Variants in OR9Q1 observed in about 807,000 individuals in gnomAD.
OR9Q1 encodes the protein olfactory receptor family 9 subfamily Q member 1.
For synonymous variants in OR9Q1, 153 were observed against 148.6 expected (o/e 1.03, Z -0.22); for missense variants, 374 against 378.8 (o/e 0.99, Z 0.11).
intron 2 of OR9Q1, among the ~76,000 whole-genome samples, chr11:58,152,225 T>C (rs1277798225): frequency 6.6e-6 from 1 of 152,190 alleles, no homozygotes; most frequent in Non-Finnish European, 1.5e-5. Context: ...GGATAAAGAA[T>C]AGAAACTAAT....
chr11:58,130,939 TTAA>T (rs1236666318), intron 2 of OR9Q1, among the ~76,000 whole-genome samples: 1 of 152,216 alleles, frequency 6.6e-6, no homozygotes, highest in Non-Finnish European at 1.5e-5. Context: ...GATGTAATTA[TTAA>T]TATCTATAAA....
At chr11:58,059,884 C>T (rs1308877171) in intron 2 of OR9Q1, 1 of 152,050 alleles carries the variant, frequency 6.6e-6, no homozygotes, top group Non-Finnish European at 1.5e-5. Context: ...TGATAGGTTA[C>T]ATTACCCTAC....
intron 2 of OR9Q1, among the ~76,000 whole-genome samples, chr11:58,101,271 C>T (rs1590590151): frequency 6.6e-6 from 1 of 151,980 alleles, no homozygotes; most frequent in South Asian, 2.1e-4. Context: ...GTAAGCATTC[C>T]TTTTTTGCCA....
At chr11:58,159,147 A>T (rs1369697530) in intron 2 of OR9Q1, among the ~76,000 whole-genome samples, 1 of 152,206 alleles carries the variant, frequency 6.6e-6, no homozygotes, top group African/African-American at 2.4e-5. Context: ...CAGAAAAAAA[A>T]ATGTGTTGTC....
At chr11:58,035,696 G>C (rs1188937869) in intron 1 of OR9Q1, among the ~76,000 whole-genome samples, 1 of 152,154 alleles carries the variant, frequency 6.6e-6, no homozygotes, top group Non-Finnish European at 1.5e-5. Context: ...CAGTCTCCCT[G>C]AATAGGGTCT....
chr11:58,149,941 T>C (rs1376095558), intron 2 of OR9Q1, among the ~76,000 whole-genome samples: 2 of 152,212 alleles, frequency 1.3e-5, no homozygotes, highest in African/African-American at 4.8e-5. Flanking sequence ...CAAAGATGTG[T>C]TCAAGTCCCT....
At chr11:58,158,621 A>G (rs1854430157) in intron 2 of OR9Q1, among the ~76,000 whole-genome samples, 1 of 152,084 alleles carries the variant, frequency 6.6e-6, no homozygotes, top group Admixed American at 6.5e-5. Context: ...AGCCAAAGGA[A>G]AGAAATGGGA....
intron 2 of OR9Q1, among the ~76,000 whole-genome samples, chr11:58,064,331 A>G (rs1853408582): frequency 6.6e-6 from 1 of 152,234 alleles, no homozygotes; most frequent in Non-Finnish European, 1.5e-5. Context: ...GGAGAATCCC[A>G]GGCCCAGGGA....
In OR9Q1 at chr11:58,070,092, C is replaced by T. The variant is rs568616500; in HGVS notation, c.-15+14145C>T. 5.0e-3 allele frequency among the ~76,000 whole-genome samples: 764 copies of T among 151,972 alleles called. 3 individuals carry two copies. Among genetic ancestry groups the T allele is most frequent in the Non-Finnish European group, 8.9e-3 (604 of 67,974 alleles). On this transcript the variant is annotated intron_variant, in intron 2 of 2. Transcript: ENST00000335397. Reference sequence around the variant, plus strand: ...TCTCGGCTCACTGCAACCTCCACCTCCCAGGTTCAAACTATTCTCCTGCCT... The same window carrying T: ...TCTCGGCTCACTGCAACCTCCACCTTCCAGGTTCAAACTATTCTCCTGCCT...
At chr11:58,047,751 G>T (rs1853232752) in intron 1 of OR9Q1, among the ~76,000 whole-genome samples, 1 of 151,960 alleles carries the variant, frequency 6.6e-6, no homozygotes, top group Admixed American at 6.6e-5. Context: ...TGCCGTGATG[G>T]TGGGCACAAG....
At chr11:58,165,164 C>A (rs1344406214) in intron 2 of OR9Q1, among the ~76,000 whole-genome samples, 2 of 152,228 alleles carry the variant, frequency 1.3e-5, no homozygotes, top group African/African-American at 4.8e-5. Flanking sequence ...ATGCCTAAAG[C>A]AGTCCCTGGA....
At chr11:58,111,015 A>G (rs895660) in intron 2 of OR9Q1, among the ~76,000 whole-genome samples, 85,350 of 151,934 alleles carry the variant, frequency 0.56, 24,976 homozygotes, top group South Asian at 0.74. Flanking sequence ...AGGGCTGCCT[A>G]CTGATTTTGA....
intron 1 of OR9Q1, among the ~76,000 whole-genome samples, chr11:58,032,650 A>C (rs997588553): frequency 5.3e-5 from 8 of 152,220 alleles, no homozygotes; most frequent in African/African-American, 1.7e-4. Context: ...ACCTCAAACT[A>C]TAAAAAAATC....
rs1459894322 is a variant in OR9Q1, at chr11:58,181,044, G to A, written c.*667G>A. 6.0e-6 allele frequency: 1 copy of A among 167,104 alleles called. No homozygotes were observed. Among genetic ancestry groups the A allele is most frequent in the South Asian group, 2.1e-4 (1 of 4,810 alleles). 10.4% of individuals were successfully genotyped at this position (167,104 alleles called of 1,614,324 possible). ...TACTCAAGGTATGCCTTAATATTCT[G>A]GTAGTAGTTCTCAAGAAGGCCTCAC... On this transcript the variant is annotated 3_prime_UTR_variant, in exon 3 of 3. Coordinates refer to ENST00000335397, the MANE Select transcript of OR9Q1 (RefSeq NM_001005212.4).
intron 2 of OR9Q1, among the ~76,000 whole-genome samples, chr11:58,081,662 GTTGT>G (rs1233553528): frequency 2.0e-5 from 3 of 152,010 alleles, no homozygotes; most frequent in Non-Finnish European, 4.4e-5. Flanking sequence ...TTTTGATGGG[GTTGT>G]TTGTTTTTTT....
At chr11:58,179,046 C>A (rs113750976) in intron 2 of OR9Q1, among the ~76,000 whole-genome samples, 7,437 of 107,512 alleles carry the variant, frequency 0.069, 639 homozygotes, top group African/African-American at 0.19. Context: ...GACAGGCTCT[C>A]ACTCTGTTGC....
At chr11:58,104,519 G>A (rs1031359) in intron 2 of OR9Q1, among the ~76,000 whole-genome samples, 150,760 of 152,236 alleles carry the variant, frequency 0.99, 74,668 homozygotes, top group East Asian at 1. Flanking sequence ...TAATTTCCCC[G>A]AATATGGGAG....
chr11:58,059,458 G>A (rs1052623093), intron 2 of OR9Q1, among the ~76,000 whole-genome samples: 1 of 152,068 alleles, frequency 6.6e-6, no homozygotes, highest in African/African-American at 2.4e-5. Flanking sequence ...CACTTTGGGA[G>A]GCTGAGGCGG....
chr11:58,108,973 G>A (rs1392597083), intron 2 of OR9Q1: 3 of 400,688 alleles, frequency 7.5e-6, no homozygotes, highest in Non-Finnish European at 1.5e-5. Context: ...CCCACCTGCC[G>A]ACTTCACCCT....
Sources: allele counts gnomAD v4.1 joint callset (sites outside exome capture counted in the v4.1 genomes callset), GRCh38; gene constraint gnomAD v4.1.1; transcripts MANE v1.5; gene names NCBI Gene and HGNC (gene_info 2026-07-23, HGNC 2026-07-21).